ROBO1: variants seen among roughly 807,000 people sequenced by gnomAD.
ROBO1 encodes the protein roundabout guidance receptor 1.
Under a neutral mutation model 195.9 loss-of-function variants are expected in ROBO1, and 149 were observed. The observed-to-expected ratio is 0.76, with a 90% CI of 0.67 to 0.87. The LOEUF is 0.87. ROBO1 is among the 40% of genes least tolerant of loss of function. ROBO1 has a pLI of 0.00. For missense variants in ROBO1, 1,933 were observed against 2,068.3 expected, an observed-to-expected ratio of 0.93 and a Z score of 1.27; for synonymous variants, 816 against 733.2, an observed-to-expected ratio of 1.11 and a Z score of -1.82.
At chr3:78,859,464 A>G (rs1455708743) in intron 4 of ROBO1, among the ~76,000 whole-genome samples, 1 of 152,178 alleles carries the variant, frequency 6.6e-6, no homozygotes, top group Non-Finnish European at 1.5e-5. Context: ...TCAAAATATG[A>G]ACTTTCATAT....
intron 4 of ROBO1, among the ~76,000 whole-genome samples, chr3:78,886,289 T>C (rs2036567965): frequency 6.6e-6 from 1 of 151,974 alleles, no homozygotes; most frequent in African/African-American, 2.4e-5. Flanking sequence ...ATTTTATCAG[T>C]TTTGTTCATT....
At chr3:79,577,999 G>C (rs1030023968) in intron 2 of ROBO1, among the ~76,000 whole-genome samples, 1 of 151,576 alleles carries the variant, frequency 6.6e-6, no homozygotes, top group Non-Finnish European at 1.5e-5. Flanking sequence ...TGGGCAAAAA[G>C]TCTGAACAAA....
intron 1 of ROBO1, among the ~76,000 whole-genome samples, chr3:79,737,563 G>A (rs1185208919): frequency 1.3e-5 from 2 of 152,084 alleles, no homozygotes; most frequent in Non-Finnish European, 2.9e-5. Context: ...TCAGAAGGCA[G>A]AGAGGCAAAC....
intron 5 of ROBO1, among the ~76,000 whole-genome samples, chr3:78,737,233 T>C (rs2082412993): frequency 6.6e-6 from 1 of 152,182 alleles, no homozygotes; most frequent in Non-Finnish European, 1.5e-5. Flanking sequence ...CAGATATAGA[T>C]AGAAGTACAG....
intron 3 of ROBO1, among the ~76,000 whole-genome samples, chr3:78,961,747 G>A (rs1416298546): frequency 6.6e-6 from 1 of 152,094 alleles, no homozygotes; most frequent in Non-Finnish European, 1.5e-5. Context: ...TAGTGCAATG[G>A]TGTAAGAATT....
At chr3:79,593,612 G>A (rs552306277) in intron 1 of ROBO1, among the ~76,000 whole-genome samples, 1 of 143,126 alleles carries the variant, frequency 7.0e-6, no homozygotes, top group East Asian at 2.0e-4. Flanking sequence ...TTTTTTTTTT[G>A]CTTGCTTTTG....
At chr3:78,906,665 G>A (rs949087694) in intron 4 of ROBO1, among the ~76,000 whole-genome samples, 11 of 152,008 alleles carry the variant, frequency 7.2e-5, no homozygotes, top group African/African-American at 2.7e-4. Context: ...TTGATGTCAA[G>A]ACAGTTTTGC....
intron 2 of ROBO1, among the ~76,000 whole-genome samples, chr3:79,589,389 CT>C (rs974517190): frequency 2.3e-4 from 35 of 151,668 alleles, no homozygotes; most frequent in African/African-American, 8.5e-4. Flanking sequence ...ATTGTTCAGC[CT>C]GTTAATTAAC....
At chr3:79,265,574 G>C (rs1011938973) in intron 2 of ROBO1, among the ~76,000 whole-genome samples, 1 of 151,500 alleles carries the variant, frequency 6.6e-6, no homozygotes, top group African/African-American at 2.4e-5. Flanking sequence ...CGAAAATAAT[G>C]AGGGATTATA....
intron 2 of ROBO1, among the ~76,000 whole-genome samples, chr3:79,180,448 C>A (rs1319845291): frequency 2.0e-5 from 3 of 152,134 alleles, no homozygotes; most frequent in Non-Finnish European, 4.4e-5. Context: ...TCTCCCCCAC[C>A]ACCAAAGACA....
chr3:79,238,444 C>T (rs1045700016), intron 2 of ROBO1, among the ~76,000 whole-genome samples: 2 of 152,152 alleles, frequency 1.3e-5, no homozygotes, highest in African/African-American at 4.8e-5. Context: ...TCTTCTCCAG[C>T]CTGGCTTCCT....
chr3:79,005,993 TTAATG>T (rs1175836535), intron 3 of ROBO1, among the ~76,000 whole-genome samples: 3 of 152,344 alleles, frequency 2.0e-5, no homozygotes, highest in African/African-American at 7.2e-5. Flanking sequence ...TAAAATTTCC[TTAATG>T]TATTTTCTTA....
At chr3:78,657,295 A>C (rs1707099424) in intron 17 of ROBO1, 26 bp from the exon 18 acceptor site, 7 of 1,610,302 alleles carry the variant, frequency 4.3e-6, no homozygotes, top group Admixed American at 1.7e-5. Flanking sequence ...CACAAAAATC[A>C]AGCTGGTAAA....
At chr3:79,043,874 C>T (rs1234239905) in intron 3 of ROBO1, among the ~76,000 whole-genome samples, 2 of 151,970 alleles carry the variant, frequency 1.3e-5, no homozygotes, top group Non-Finnish European at 2.9e-5. Context: ...CTTTAAAATG[C>T]CTTGTATTTG....
chr3:79,296,345 C>T (rs2032598988), intron 2 of ROBO1, among the ~76,000 whole-genome samples: 1 of 152,102 alleles, frequency 6.6e-6, no homozygotes, highest in Non-Finnish European at 1.5e-5. Flanking sequence ...TATAATTTCA[C>T]ATTTATAACA....
At chr3:79,505,284 A>G (rs957827579) in intron 2 of ROBO1, among the ~76,000 whole-genome samples, 1 of 152,150 alleles carries the variant, frequency 6.6e-6, no homozygotes, top group Admixed American at 6.5e-5. Flanking sequence ...GAAGAAAAAA[A>G]AAGAGACAAA....
intron 3 of ROBO1, among the ~76,000 whole-genome samples, chr3:78,983,661 A>G (rs2077045520): frequency 6.6e-6 from 1 of 152,250 alleles, no homozygotes; most frequent in Non-Finnish European, 1.5e-5. Flanking sequence ...CAAAAAAGTT[A>G]AGCAACAAAA....
At chr3:79,469,696 A>G (rs997525979) in intron 2 of ROBO1, among the ~76,000 whole-genome samples, 1 of 152,234 alleles carries the variant, frequency 6.6e-6, no homozygotes, top group Non-Finnish European at 1.5e-5. Flanking sequence ...GAAATAACAT[A>G]CAACCAACAC....
chr3:78,938,457 T>C, intron 4 of ROBO1, 144 bp downstream of exon 4: 1 of 636,102 alleles, frequency 1.6e-6, no homozygotes. Context: ...AAAACCGAAA[T>C]AGTAGATTGT....
Sources: gnomAD v4.1 joint callset for allele counts (sites outside exome capture counted in the v4.1 genomes callset) on GRCh38, gnomAD v4.1.1 for gene constraint, MANE v1.5 for transcripts, NCBI Gene and HGNC (gene_info 2026-07-23, HGNC 2026-07-21) for gene names.